Variants in EXOC4 observed in about 807,000 individuals in gnomAD.
EXOC4 encodes exocyst complex component 4.
A neutral mutation model predicts 107.2 loss-of-function variants in EXOC4; 71 were observed. The ratio of observed to expected loss-of-function variants is 0.66; its 90% CI spans 0.55 to 0.81. The LOEUF is 0.81. Ranked by LOEUF, EXOC4 falls within the 30% of genes least tolerant of loss-of-function variation. The probability of loss-of-function intolerance (pLI) is 0.00; values close to 1 mark genes in which losing one functional copy is unlikely to be tolerated. For synonymous variants in EXOC4, 456 were observed against 441.2 expected, an observed-to-expected ratio of 1.03 and a Z score of -0.42; for missense variants, 1,108 against 1,189.6, an observed-to-expected ratio of 0.93 and a Z score of 1.01.
At chr7:134,054,194 G>A (rs1795869638) in intron 17 of EXOC4, among the ~76,000 whole-genome samples, 1 of 152,146 alleles carries the variant, frequency 6.6e-6, no homozygotes, top group African/African-American at 2.4e-5. Context: ...TGATCCACCT[G>A]TCTTGGCCTC....
At chr7:133,711,443 C>G (rs942160986) in intron 10 of EXOC4, among the ~76,000 whole-genome samples, 5 of 152,162 alleles carry the variant, frequency 3.3e-5, no homozygotes, top group East Asian at 1.9e-4. Context: ...CACACGATCA[C>G]TTTTGAGTGT....
chr7:133,970,894 T>C (rs1407220800), intron 14 of EXOC4, among the ~76,000 whole-genome samples: 7 of 142,260 alleles, frequency 4.9e-5, no homozygotes, highest in South Asian at 2.3e-4. Context: ...TGGTTTCCCC[T>C]GACCTGCCTT....
At chr7:133,317,592 C>T (rs1795019631) in intron 5 of EXOC4, among the ~76,000 whole-genome samples, 1 of 152,156 alleles carries the variant, frequency 6.6e-6, no homozygotes, top group Non-Finnish European at 1.5e-5. Flanking sequence ...GTTGCATTAT[C>T]AGGGTTGAAA....
chr7:133,684,390 A>G (rs1794250601), intron 10 of EXOC4, among the ~76,000 whole-genome samples: 1 of 152,208 alleles, frequency 6.6e-6, no homozygotes, highest in Non-Finnish European at 1.5e-5. Context: ...AGTACAAATT[A>G]CCATATTTTG....
chr7:133,284,888 ACT>A (rs1441437956), intron 2 of EXOC4, among the ~76,000 whole-genome samples: 1 of 151,680 alleles, frequency 6.6e-6, no homozygotes, highest in African/African-American at 2.4e-5. Context: ...AAAAGACTGG[ACT>A]CTCCTACCTC....
chr7:133,698,505 G>T lies in EXOC4; in HGVS notation c.1514+68364G>T, dbSNP rs188120474. ...GCTGAGGTGGGAGATGCACCTGTGTGTATGAGGTTGAGGTTGCAGTGAGCC... is the reference window on the plus strand; with the variant it reads ...GCTGAGGTGGGAGATGCACCTGTGTTTATGAGGTTGAGGTTGCAGTGAGCC... On this transcript the variant is annotated intron_variant, in intron 10 of 17. Transcript: ENST00000253861. Among the ~76,000 whole-genome samples the T allele has an allele frequency of 1.2e-4, 18 of 150,586 alleles. No homozygotes were observed. In the East Asian group the frequency reaches 2.6e-3, roughly 21 times the overall value.
At chr7:133,279,571 T>G (rs1211446120) in intron 2 of EXOC4, among the ~76,000 whole-genome samples, 1 of 152,160 alleles carries the variant, frequency 6.6e-6, no homozygotes, top group Non-Finnish European at 1.5e-5. Flanking sequence ...CGGGCTGGAG[T>G]GCAGTAGCAC....
the EXOC4 span, among the ~76,000 whole-genome samples, chr7:134,096,335 A>T: frequency 6.6e-6 from 1 of 152,222 alleles, no homozygotes; most frequent in Non-Finnish European, 1.5e-5. Flanking sequence ...TCAGTCAAAG[A>T]TAGAGGGCCA....
intron 12 of EXOC4, among the ~76,000 whole-genome samples, chr7:133,901,347 A>G (rs1799447468): frequency 6.6e-6 from 1 of 152,158 alleles, no homozygotes; most frequent in Non-Finnish European, 1.5e-5. Context: ...GACTAAGTTG[A>G]GAATTGGGGA....
chr7:133,461,042 G>A lies in EXOC4; in HGVS notation c.1183-14286G>A, dbSNP rs561691084. Among the ~76,000 whole-genome samples the A allele has an allele frequency of 1.4e-4, 22 of 152,304 alleles. 1 individual carries two copies. In the South Asian group the frequency reaches 4.1e-3, roughly 29 times the overall value. On this transcript the variant is annotated intron_variant, in intron 7 of 17. Transcript: ENST00000253861. ...GATAACTTTAGATAGATTGGTCAGA[G>A]AAGGTTTTGCGCATGGGTTAGAGGC...
At chr7:134,057,945 A>G (rs966756138) in intron 17 of EXOC4, among the ~76,000 whole-genome samples, 3 of 152,224 alleles carry the variant, frequency 2.0e-5, no homozygotes, top group Non-Finnish European at 2.9e-5. Context: ...CCAGAATCTG[A>G]GTTTAGTTGA....
intron 2 of EXOC4, among the ~76,000 whole-genome samples, chr7:133,282,543 G>A (rs992126438): frequency 2.0e-5 from 3 of 152,088 alleles, no homozygotes; most frequent in Non-Finnish European, 4.4e-5. Context: ...AGAGTTTTGA[G>A]AAATAAATGT....
intron 1 of EXOC4, among the ~76,000 whole-genome samples, chr7:133,258,452 C>T (rs1233135728): frequency 6.6e-6 from 1 of 152,174 alleles, no homozygotes; most frequent in Admixed American, 6.5e-5. Context: ...CCTGTGTAAC[C>T]TTGGAACAGT....
intron 7 of EXOC4, among the ~76,000 whole-genome samples, chr7:133,379,876 T>C (rs1796574666): frequency 6.6e-6 from 1 of 152,192 alleles, no homozygotes; most frequent in South Asian, 2.1e-4. Flanking sequence ...AAGATGATTG[T>C]AATGAACTAA....
At chr7:133,845,261 A>C (rs2116214333) in intron 11 of EXOC4, among the ~76,000 whole-genome samples, 1 of 151,766 alleles carries the variant, frequency 6.6e-6, no homozygotes, top group South Asian at 2.1e-4. Context: ...CAAATGGCCC[A>C]CTGGGAATAT....
At chr7:133,334,439 C>G (rs544573751) in intron 5 of EXOC4, among the ~76,000 whole-genome samples, 1 of 152,276 alleles carries the variant, frequency 6.6e-6, no homozygotes, top group Non-Finnish European at 1.5e-5. Context: ...TACAATATAT[C>G]CTGGAAATCA....
At chr7:133,925,285 C>T (rs1001675857) in intron 13 of EXOC4, among the ~76,000 whole-genome samples, 1 of 152,016 alleles carries the variant, frequency 6.6e-6, no homozygotes, top group Non-Finnish European at 1.5e-5. Flanking sequence ...CCAGGCTTAA[C>T]TTTGAATGGA....
At chr7:133,909,149 A>G (rs1288020388) in intron 12 of EXOC4, among the ~76,000 whole-genome samples, 1 of 152,144 alleles carries the variant, frequency 6.6e-6, no homozygotes, top group African/African-American at 2.4e-5. Flanking sequence ...TGCTTCAGTT[A>G]TGTCATTCAT....
chr7:134,062,990 C>T (rs2116635875), intron 17 of EXOC4, among the ~76,000 whole-genome samples: 1 of 152,374 alleles, frequency 6.6e-6, no homozygotes, highest in African/African-American at 2.4e-5. Flanking sequence ...AATGCCCTGC[C>T]AGACCATTCT....
Sources: gnomAD v4.1 joint callset for allele counts (sites outside exome capture counted in the v4.1 genomes callset) on GRCh38, gnomAD v4.1.1 for gene constraint, MANE v1.5 for transcripts, NCBI Gene and HGNC (gene_info 2026-07-23, HGNC 2026-07-21) for gene names.